EXT1: variants seen among roughly 807,000 people sequenced by gnomAD.
EXT1 encodes exostosin glycosyltransferase 1, also known as exostosin-1.
In EXT1, 20 loss-of-function variants were observed where a neutral mutation model predicts 82.5. The observed-to-expected ratio is 0.24, with a 90% CI of 0.17 to 0.35. The LOEUF (loss-of-function observed/expected upper bound fraction) is 0.35. Ranked by LOEUF, EXT1 falls within the 10% of genes least tolerant of loss-of-function variation. The pLI is 1.00. For synonymous variants in EXT1, 348 were observed against 350.8 expected, an observed-to-expected ratio of 0.99 and a Z score of 0.09; for missense variants, 757 against 936.5, an observed-to-expected ratio of 0.81 and a Z score of 2.50.
At chr8:118,035,312 C>T (rs1019807213) in intron 1 of EXT1, among the ~76,000 whole-genome samples, 3 of 152,050 alleles carry the variant, frequency 2.0e-5, no homozygotes, top group African/African-American at 4.8e-5. Flanking sequence ...GCCTGCAATT[C>T]CAAACCAAGG....
intron 1 of EXT1, among the ~76,000 whole-genome samples, chr8:117,975,984 A>G (rs996259800): frequency 2.6e-5 from 4 of 152,212 alleles, no homozygotes; most frequent in Non-Finnish European, 4.4e-5. Context: ...TACACAAAAC[A>G]GTAACATGAG....
intron 1 of EXT1, among the ~76,000 whole-genome samples, chr8:118,007,262 A>C (rs1481589665): frequency 1.3e-5 from 2 of 151,904 alleles, no homozygotes; most frequent in African/African-American, 2.4e-5. Flanking sequence ...GCGCCACTGC[A>C]CTCCAACCTG....
chr8:118,033,291 C>T (rs573817684), intron 1 of EXT1, among the ~76,000 whole-genome samples: 1 of 152,112 alleles, frequency 6.6e-6, no homozygotes, highest in Non-Finnish European at 1.5e-5. Context: ...AATGTTAAAA[C>T]GGTGTTGGTA....
At chr8:117,941,827 G>A (rs17475925) in intron 1 of EXT1, among the ~76,000 whole-genome samples, 8,702 of 152,258 alleles carry the variant, frequency 0.057, 869 homozygotes, top group African/African-American at 0.2. Flanking sequence ...CTGCCATCCA[G>A]TTTAAGACCT....
intron 1 of EXT1, among the ~76,000 whole-genome samples, chr8:117,916,370 G>A (rs1027110106): frequency 1.8e-4 from 27 of 152,134 alleles, no homozygotes; most frequent in Middle Eastern, 3.2e-3. Flanking sequence ...GAGCACCAGC[G>A]CAGACACACA....
rs34963536 is a variant in EXT1 at position 117,897,591 on chromosome 8, C to CTTTTTTTTTTTTTTTTTT, written c.963-60408_963-60391dup. The stretch of plus-strand genomic sequence containing the variant: ...TAGCCCATTGCCGGGCTTCTTTTCT[C>CTTTTTTTTTTTTTTTTTT]TTTTTTTTTTTTTTTTTTTTTGAGA... On this transcript the variant is annotated intron_variant, in intron 1 of 10. Coordinates refer to ENST00000378204, the MANE Select transcript of EXT1 (RefSeq NM_000127.3). Among the ~76,000 whole-genome samples, 95 of 90,690 alleles carry CTTTTTTTTTTTTTTTTTT rather than the reference C, an allele frequency of 1.0e-3. 4 individuals carry two copies. Among genetic ancestry groups the CTTTTTTTTTTTTTTTTTT allele is most frequent in the African/African-American group, 3.0e-3 (69 of 22,894 alleles). 59.5% of individuals were successfully genotyped at this position (90,690 alleles called of 152,430 possible). A position where few individuals can be genotyped will look rare whatever the true frequency, so the allele number is the denominator to read the frequency against.
At chr8:118,104,524 A>C (rs2130029569) in intron 1 of EXT1, among the ~76,000 whole-genome samples, 1 of 152,342 alleles carries the variant, frequency 6.6e-6, no homozygotes, top group South Asian at 2.1e-4. Flanking sequence ...GGTAATTATT[A>C]CATGGCAATA....
chr8:117,812,352 C>T (rs574366915), intron 8 of EXT1, among the ~76,000 whole-genome samples: 1 of 152,272 alleles, frequency 6.6e-6, no homozygotes, highest in African/African-American at 2.4e-5. Context: ...TAGGAATCTC[C>T]ATCACAACCT....
chr8:118,012,812 G>A (rs1208552742), intron 1 of EXT1, among the ~76,000 whole-genome samples: 2 of 152,146 alleles, frequency 1.3e-5, no homozygotes, highest in African/African-American at 4.8e-5. Flanking sequence ...GACCCCAGGA[G>A]GTTCTGTTGT....
intron 4 of EXT1, among the ~76,000 whole-genome samples, chr8:117,827,133 G>T (rs1812019619): frequency 1.3e-5 from 2 of 152,316 alleles, no homozygotes; most frequent in Admixed American, 1.3e-4. Flanking sequence ...CAGCTTGTGA[G>T]ATTCTAGGTG....
intron 1 of EXT1, among the ~76,000 whole-genome samples, chr8:117,905,045 T>C (rs964504247): frequency 2.0e-5 from 3 of 152,176 alleles, no homozygotes; most frequent in African/African-American, 7.2e-5. Flanking sequence ...TAAATGTGTC[T>C]TTCAAAAAAG....
chr8:117,888,718 T>C (rs1781239052), intron 1 of EXT1, among the ~76,000 whole-genome samples: 1 of 152,210 alleles, frequency 6.6e-6, no homozygotes, highest in African/African-American at 2.4e-5. Flanking sequence ...CTCTGCTTAT[T>C]CAAGATCTGT....
At chr8:118,012,010 C>G (rs1563629244) in intron 1 of EXT1, among the ~76,000 whole-genome samples, 1 of 152,220 alleles carries the variant, frequency 6.6e-6, no homozygotes, top group Non-Finnish European at 1.5e-5. Context: ...GGAGGAGCCC[C>G]AGGGACCAAC....
chr8:118,084,345 T>TA (rs1420859659), intron 1 of EXT1, among the ~76,000 whole-genome samples: 4 of 152,200 alleles, frequency 2.6e-5, no homozygotes, highest in Admixed American at 6.5e-5. Flanking sequence ...TCATAGGAAT[T>TA]ATCACAGAGC....
At chr8:117,869,157 C>T (rs547395413) in intron 1 of EXT1, among the ~76,000 whole-genome samples, 10 of 152,212 alleles carry the variant, frequency 6.6e-5, no homozygotes, top group Non-Finnish European at 2.9e-5. Context: ...AGACCCATGT[C>T]CTCCAGTTTG....
At chr8:117,816,386 A>G (rs1811820456) in intron 7 of EXT1, among the ~76,000 whole-genome samples, 1 of 152,184 alleles carries the variant, frequency 6.6e-6, no homozygotes, top group South Asian at 2.1e-4. Flanking sequence ...GAATGGTCTT[A>G]TTTAACCCTC....
At chr8:117,943,890 C>CA (rs762713539) in intron 1 of EXT1, among the ~76,000 whole-genome samples, 11 of 152,138 alleles carry the variant, frequency 7.2e-5, no homozygotes, top group Non-Finnish European at 1.3e-4. Flanking sequence ...TCACCTATGC[C>CA]AGGGCCCCAG....
At chr8:118,075,629 G>A (rs1817193663) in intron 1 of EXT1, among the ~76,000 whole-genome samples, 1 of 152,056 alleles carries the variant, frequency 6.6e-6, no homozygotes, top group South Asian at 2.1e-4. Context: ...AAGAAATACT[G>A]GAGACTGGGT....
chr8:117,956,825 A>T (rs527313596), intron 1 of EXT1, among the ~76,000 whole-genome samples: 1 of 152,286 alleles, frequency 6.6e-6, no homozygotes, highest in Admixed American at 6.5e-5. Context: ...TATATTCCTG[A>T]TGGGGGAAGA....
Sources: allele counts gnomAD v4.1 joint callset (sites outside exome capture counted in the v4.1 genomes callset), GRCh38; gene constraint gnomAD v4.1.1; transcripts MANE v1.5; gene names NCBI Gene and HGNC (gene_info 2026-07-23, HGNC 2026-07-21).